The following TOP1MT variants were observed in gnomAD, a reference collection of about 807,000 sequenced individuals.
TOP1MT encodes DNA topoisomerase I mitochondrial.
A neutral mutation model predicts 73.9 loss-of-function variants in TOP1MT; 80 were observed. The ratio of observed to expected loss-of-function variants is 1.08; its 90% CI spans 0.90 to 1.30. The LOEUF (loss-of-function observed/expected upper bound fraction) is 1.30, where lower values mean the gene tolerates loss of function less well. Among genes scored for constraint, TOP1MT ranks in the 50% most tolerant of loss-of-function variants. The probability of loss-of-function intolerance (pLI) is 0.00; values close to 1 mark genes in which losing one functional copy is unlikely to be tolerated. For missense variants in TOP1MT, 815 were observed against 808.0 expected (o/e 1.01, Z -0.10); for synonymous variants, 338 against 326.4 (o/e 1.04, Z -0.38).
intron 1 of TOP1MT, chr8:143,331,929 A>C (rs903974846): frequency 6.2e-5 from 10 of 160,636 alleles, no homozygotes; most frequent in Non-Finnish European, 1.2e-4. Flanking sequence ...CCCTGAAGCC[A>C]GAAGCCTCAG....
intron 8 of TOP1MT, among the ~76,000 whole-genome samples, chr8:143,319,675 C>T (rs1303677370): frequency 2.0e-5 from 3 of 151,350 alleles, no homozygotes; most frequent in African/African-American, 7.3e-5. Context: ...CTCTGGGCAT[C>T]TATGCTGGTG....
chr8:143,332,376 G>A, intron 1 of TOP1MT: 1 of 811,336 alleles, frequency 1.2e-6, no homozygotes, highest in Non-Finnish European at 1.8e-6. Context: ...AGTGGGAGAG[G>A]CTTTGGCGAG....
upstream of TOP1MT, among the ~76,000 whole-genome samples, chr8:143,358,212 A>G (rs1817444427): frequency 6.6e-6 from 1 of 152,144 alleles, no homozygotes; most frequent in South Asian, 2.1e-4. Context: ...GCTTCTTTGC[A>G]TTTTCCAGCC....
chr8:143,324,920 GC>G (rs1001052618), intron 5 of TOP1MT, among the ~76,000 whole-genome samples: 14 of 152,328 alleles, frequency 9.2e-5, no homozygotes, highest in Admixed American at 7.2e-4. Flanking sequence ...CGAGTGCCCT[GC>G]CCCACACAGC....
At chr8:143,342,928 A>AT (rs1190908837) in intron 2 of TOP1MT, among the ~76,000 whole-genome samples, 3 of 151,696 alleles carry the variant, frequency 2.0e-5, no homozygotes, top group Non-Finnish European at 4.4e-5. Flanking sequence ...CACCCGGCTA[A>AT]TTTTGTATTT....
At chr8:143,312,829 CTT>C (rs2129861423) in intron 12 of TOP1MT, among the ~76,000 whole-genome samples, 1 of 152,358 alleles carries the variant, frequency 6.6e-6, no homozygotes, top group East Asian at 1.9e-4. Context: ...TTGGCTCATA[CTT>C]TTAATCTCAG....
In TOP1MT at chr8:143,325,504, C is replaced by A. The variant is rs758405400; in HGVS notation, c.513G>T (p.Gln171His). The part of the protein sequence containing the change: ...QKLKEEAEKL[Q>H]QEFGYCILDG... ...CTAAAATACAGTAGCCGAACTCTTG[C>A]TGAAGTTTTTCTGCCTCTTCTTTTA... Residue 171 changes from glutamine to histidine, a missense_variant, in exon 5 of 14, where the codon CAG becomes CAT. Transcript: ENST00000329245. 2 of 1,610,376 alleles carry A rather than the reference C, an allele frequency of 1.2e-6. No individual in the cohort carries two copies. Among genetic ancestry groups the A allele is most frequent in the South Asian group, 1.1e-5 (1 of 91,008 alleles).
intron 7 of TOP1MT, 62 bp from the exon 8 acceptor site, chr8:143,321,448 GCC>G: frequency 7.1e-7 from 1 of 1,404,860 alleles, no homozygotes. Context: ...ACACACGCAC[GCC>G]ACACACACGC....
intron 12 of TOP1MT, among the ~76,000 whole-genome samples, chr8:143,312,325 A>T (rs1475295177): frequency 6.6e-6 from 1 of 152,238 alleles, no homozygotes; most frequent in Non-Finnish European, 1.5e-5. Flanking sequence ...CCTCAACAAA[A>T]TATCAGCAAA....
In TOP1MT at chr8:143,326,258, G is replaced by T; in HGVS notation, c.447C>A (p.Ala149=). 3.7e-6 allele frequency: 6 copies of T among 1,613,932 alleles called. No homozygotes were observed. The highest frequency in any genetic ancestry group is 5.1e-6 in the Non-Finnish European group (6 of 1,180,016). Residue 149 remains alanine, a synonymous_variant, in exon 4 of 14, where the codon GCC becomes GCA. Transcript: ENST00000329245. The part of the protein sequence containing the change: ...TEIHRYFVDK[A]AARKVLSREE... Reference sequence around the variant, plus strand: ...CCCTGCTCAGGACTTTCCGGGCTGCGGCCTTGTCCACAAAGTATCTGTGGA... The same window carrying T: ...CCCTGCTCAGGACTTTCCGGGCTGCTGCCTTGTCCACAAAGTATCTGTGGA...
intron 2 of TOP1MT, among the ~76,000 whole-genome samples, chr8:143,329,943 G>GC (rs1296440488): frequency 1.4e-5 from 1 of 71,708 alleles, no homozygotes; most frequent in African/African-American, 2.2e-4. Context: ...GTTTAGAGAT[G>GC]GGGGGTGAGC....
At chr8:143,346,380 TC>T (rs1448133811), upstream of TOP1MT, among the ~76,000 whole-genome samples, 1 of 152,220 alleles carries the variant, frequency 6.6e-6, no homozygotes, top group Non-Finnish European at 1.5e-5. Flanking sequence ...GAAACTTAGT[TC>T]TTGGACCAGG....
upstream of TOP1MT, among the ~76,000 whole-genome samples, chr8:143,339,623 G>A (rs1186893583): frequency 6.6e-6 from 1 of 152,194 alleles, no homozygotes; most frequent in African/African-American, 2.4e-5. Flanking sequence ...ACTCTGGGGG[G>A]CACCCAGGCT....
chr8:143,350,952 A>G (rs572691484), intron 1 of TOP1MT, among the ~76,000 whole-genome samples: 1 of 152,152 alleles, frequency 6.6e-6, no homozygotes, highest in East Asian at 1.9e-4. Context: ...ACCTTGGCTT[A>G]GTCCTTGACC....
chr8:143,311,153 G>A (rs1217000949), intron 12 of TOP1MT, among the ~76,000 whole-genome samples: 10 of 130,922 alleles, frequency 7.6e-5, no homozygotes, highest in Admixed American at 3.5e-4. Context: ...ATTTTTAGCA[G>A]AGACAGGGTT....
intron 8 of TOP1MT, among the ~76,000 whole-genome samples, chr8:143,318,833 C>G (rs1391355949): frequency 6.6e-6 from 1 of 152,210 alleles, no homozygotes; most frequent in Non-Finnish European, 1.5e-5. Context: ...GCGGGAAGCC[C>G]CAGCCCACAG....
chr8:143,345,671 T>C (rs1464976497), upstream of TOP1MT, among the ~76,000 whole-genome samples: 1 of 152,236 alleles, frequency 6.6e-6, no homozygotes, highest in Non-Finnish European at 1.5e-5. Context: ...TCATAAATTA[T>C]AGAAGAATAC....
At chr8:143,326,808 C>T (rs1412657731) in intron 3 of TOP1MT, among the ~76,000 whole-genome samples, 4 of 152,356 alleles carry the variant, frequency 2.6e-5, no homozygotes, top group Non-Finnish European at 5.9e-5. Flanking sequence ...GGCAAAGTCT[C>T]AGTCCATACG....
chr8:143,343,973 A>G (rs1817176886), intron 1 of TOP1MT: 1 of 152,426 alleles, frequency 6.6e-6, no homozygotes. Context: ...CAGACTGGAG[A>G]CACAGTGAAA....
Sources: gnomAD v4.1 joint callset for allele counts (sites outside exome capture counted in the v4.1 genomes callset) on GRCh38, gnomAD v4.1.1 for gene constraint, MANE v1.5 for transcripts, NCBI Gene and HGNC (gene_info 2026-07-23, HGNC 2026-07-21) for gene names.